The following DOCK3 variants were observed in gnomAD, a reference collection of about 807,000 sequenced individuals.
The protein encoded by DOCK3 is dedicator of cytokinesis protein 3.
DOCK3 carries 60 observed loss-of-function variants against 265.6 expected under a neutral mutation model. The ratio of observed to expected loss-of-function variants is 0.23; its 90% CI spans 0.18 to 0.28. The LOEUF is 0.28. DOCK3 is among the 10% of genes least tolerant of loss of function. The pLI, the probability that DOCK3 is intolerant of heterozygous loss-of-function variation, is 1.00. For synonymous variants in DOCK3, 881 were observed against 938.0 expected (o/e 0.94, Z 1.11); for missense variants, 1,981 against 2,594.3 (o/e 0.76, Z 5.14).
At chr3:50,983,400 A>T (rs990763507) in intron 5 of DOCK3, among the ~76,000 whole-genome samples, 1 of 152,064 alleles carries the variant, frequency 6.6e-6, no homozygotes, top group African/African-American at 2.4e-5. Flanking sequence ...GGGCCCACCC[A>T]TGGCCGCCTC....
At chr3:51,118,993 T>C (rs1432003601) in intron 9 of DOCK3, among the ~76,000 whole-genome samples, 1 of 152,206 alleles carries the variant, frequency 6.6e-6, no homozygotes, top group African/African-American at 2.4e-5. Context: ...AGTATTGTTA[T>C]GTGTTAATTT....
chr3:51,009,829 T>A (rs967047317), intron 5 of DOCK3, among the ~76,000 whole-genome samples: 2 of 152,110 alleles, frequency 1.3e-5, no homozygotes, highest in Non-Finnish European at 1.5e-5. Flanking sequence ...CTTTGTTCTC[T>A]CTGGTTTCAA....
chr3:50,712,834 C>T (rs1023798736), intron 1 of DOCK3, among the ~76,000 whole-genome samples: 3 of 152,170 alleles, frequency 2.0e-5, no homozygotes, highest in Admixed American at 1.3e-4. Context: ...AGCCCTTTTA[C>T]ATTTATTGAA....
chr3:50,932,737 C>T (rs1195643249), intron 4 of DOCK3, among the ~76,000 whole-genome samples: 1 of 152,142 alleles, frequency 6.6e-6, no homozygotes, highest in Non-Finnish European at 1.5e-5. Context: ...CTGGTTTTCT[C>T]CCTCCCCACA....
intron 2 of DOCK3, among the ~76,000 whole-genome samples, chr3:50,833,772 A>G (rs940276932): frequency 6.6e-6 from 1 of 152,184 alleles, no homozygotes; most frequent in African/African-American, 2.4e-5. Context: ...TAAAATAACC[A>G]ATTTCTCCAA....
At chr3:51,025,480 C>G (rs2079775732) in intron 5 of DOCK3, among the ~76,000 whole-genome samples, 1 of 152,062 alleles carries the variant, frequency 6.6e-6, no homozygotes, top group South Asian at 2.1e-4. Flanking sequence ...CAGACCTGCC[C>G]CAGCCTATAA....
intron 9 of DOCK3, among the ~76,000 whole-genome samples, chr3:51,098,090 T>G (rs1426048159): frequency 1.3e-5 from 2 of 152,108 alleles, no homozygotes; most frequent in African/African-American, 4.8e-5. Context: ...GGAGTTTTGC[T>G]CTTTTGCCCA....
chr3:51,162,445 C>G (rs2086185299), intron 12 of DOCK3, among the ~76,000 whole-genome samples: 1 of 152,174 alleles, frequency 6.6e-6, no homozygotes, highest in African/African-American at 2.4e-5. Flanking sequence ...TCTCCTCCTT[C>G]CATGCATCAG....
chr3:51,016,748 A>AT (rs774000751), intron 5 of DOCK3, among the ~76,000 whole-genome samples: 189 of 2,200 alleles, frequency 0.086, 68 homozygotes, highest in African/African-American at 0.39. Context: ...TATATATATC[A>AT]ATATAATATA....
rs118175171 is a variant in DOCK3, at chr3:51,103,137, G to A, written c.746+12753G>A. Among the ~76,000 whole-genome samples, 8 of 152,150 alleles carry A rather than the reference G, an allele frequency of 5.3e-5. No individual in the cohort carries two copies. The East Asian group carries it at 1.2e-3, about 22-fold the overall frequency. ...AGTTTTGAACCTAAATATATAAAAC[G>A]ATATCTTTTTCTTTCAAGGGGCTCT... On this transcript the variant is annotated intron_variant, in intron 9 of 52. Coordinates refer to ENST00000266037, the MANE Select transcript of DOCK3 (RefSeq NM_004947.5).
At chr3:50,781,055 T>C (rs2041882819) in intron 2 of DOCK3, among the ~76,000 whole-genome samples, 13 of 152,136 alleles carry the variant, frequency 8.5e-5, no homozygotes, top group Admixed American at 8.5e-4. Flanking sequence ...CCATCTGTTA[T>C]TGGACACTTA....
intron 5 of DOCK3, among the ~76,000 whole-genome samples, chr3:51,029,472 C>A (rs1349118609): frequency 1.3e-5 from 2 of 152,130 alleles, no homozygotes; most frequent in Admixed American, 6.5e-5. Flanking sequence ...CCACGAGGCC[C>A]CAGTGGGAAA....
intron 1 of DOCK3, among the ~76,000 whole-genome samples, chr3:50,736,383 C>G (rs1010209371): frequency 6.6e-6 from 1 of 152,124 alleles, no homozygotes; most frequent in Non-Finnish European, 1.5e-5. Context: ...GTCTTTATAG[C>G]AGCATGATTT....
At chr3:51,358,615 A>G (rs953758693) in intron 46 of DOCK3, among the ~76,000 whole-genome samples, 3 of 151,622 alleles carry the variant, frequency 2.0e-5, no homozygotes, top group East Asian at 3.9e-4. Context: ...AGCTTCCTCT[A>G]TCATGTCTCG....
chr3:50,690,735 T>C (rs978716749), intron 1 of DOCK3, among the ~76,000 whole-genome samples: 14 of 151,120 alleles, frequency 9.3e-5, no homozygotes, highest in African/African-American at 3.4e-4. Flanking sequence ...CTCTGCCTCC[T>C]GGGTTCAAGT....
At chr3:50,843,874 A>T (rs1320767014) in intron 3 of DOCK3, among the ~76,000 whole-genome samples, 2 of 152,232 alleles carry the variant, frequency 1.3e-5, no homozygotes, top group East Asian at 1.9e-4. Flanking sequence ...GTGATATTTT[A>T]TGGAACCAGT....
chr3:50,798,020 A>C (rs1428567807), intron 2 of DOCK3, among the ~76,000 whole-genome samples: 4 of 152,246 alleles, frequency 2.6e-5, no homozygotes, highest in African/African-American at 9.6e-5. Flanking sequence ...GTAATGATGA[A>C]CAGAGAAAGA....
intron 6 of DOCK3, among the ~76,000 whole-genome samples, chr3:51,068,560 A>AAAAAAAAAAAAGAAG (rs529031027): frequency 1.2e-5 from 1 of 82,418 alleles, no homozygotes; most frequent in Non-Finnish European, 2.2e-5. Flanking sequence ...AAAAAAAAAA[A>AAAAAAAAAAAAGAAG]AAGAAGAAGA....
chr3:51,290,853 G>A (rs1261901884), intron 27 of DOCK3, among the ~76,000 whole-genome samples: 2 of 152,136 alleles, frequency 1.3e-5, no homozygotes. Flanking sequence ...GGCCAAGGTA[G>A]GTGGATCACA....
Sources: allele counts gnomAD v4.1 joint callset (sites outside exome capture counted in the v4.1 genomes callset), GRCh38; gene constraint gnomAD v4.1.1; transcripts MANE v1.5; gene names NCBI Gene and HGNC (gene_info 2026-07-23, HGNC 2026-07-21).